The following GSK3B variants were observed in gnomAD, a reference collection of about 807,000 sequenced individuals.
The protein encoded by GSK3B is glycogen synthase kinase-3 beta.
Under a neutral mutation model 56.4 loss-of-function variants are expected in GSK3B, and 15 were observed. That is an observed-to-expected ratio of 0.27 (90% CI 0.18 to 0.41). GSK3B has a LOEUF of 0.41. Among genes scored for constraint, GSK3B ranks in the 10% least tolerant of loss-of-function variants. The probability of loss-of-function intolerance (pLI) is 1.00; values close to 1 mark genes in which losing one functional copy is unlikely to be tolerated. For missense variants in GSK3B, 300 were observed against 513.4 expected (o/e 0.58, Z 4.02); for synonymous variants, 181 against 188.9 (o/e 0.96, Z 0.34).
chr3:120,003,240 C>T (rs1259539419), intron 1 of GSK3B, among the ~76,000 whole-genome samples: 1 of 152,190 alleles, frequency 6.6e-6, no homozygotes, highest in African/African-American at 2.4e-5. Context: ...ACCCCAGTAG[C>T]AATCCAACGG....
At chr3:119,856,052 C>T (rs1220276417) in intron 9 of GSK3B, among the ~76,000 whole-genome samples, 3 of 152,178 alleles carry the variant, frequency 2.0e-5, no homozygotes, top group Admixed American at 6.5e-5. Flanking sequence ...GATTTTGTAT[C>T]TCAATCCTAT....
intron 1 of GSK3B, among the ~76,000 whole-genome samples, chr3:120,018,547 T>C (rs1271948697): frequency 6.6e-6 from 1 of 152,228 alleles, no homozygotes; most frequent in African/African-American, 2.4e-5. Context: ...AAAACTATAC[T>C]ATAGTCTTAT....
chr3:119,879,179 T>A (rs2056350476), intron 7 of GSK3B, among the ~76,000 whole-genome samples: 1 of 152,134 alleles, frequency 6.6e-6, no homozygotes, highest in Non-Finnish European at 1.5e-5. Flanking sequence ...GTCCTTTGTT[T>A]ATTTATATTT....
intron 9 of GSK3B, among the ~76,000 whole-genome samples, chr3:119,861,532 A>T (rs2056102524): frequency 6.6e-6 from 1 of 151,846 alleles, no homozygotes; most frequent in South Asian, 2.1e-4. Flanking sequence ...AAACAAAACA[A>T]ACAAACAAAC....
rs1201893999 is a variant in GSK3B at position 119,822,694 on chromosome 3, A to G, written c.*4094T>C. The G allele has an allele frequency of 1.3e-5, 3 of 228,768 alleles. No homozygotes were observed. Among genetic ancestry groups the G allele is most frequent in the Non-Finnish European group, 2.6e-5 (3 of 115,424 alleles). The allele number at this position is 228,768 out of a possible 1,614,324, so 14.2% of individuals were successfully genotyped here. On this transcript the variant is annotated 3_prime_UTR_variant, in exon 11 of 11. Coordinates refer to ENST00000264235, the MANE Select transcript of GSK3B (RefSeq NM_001146156.2). ...GTGGCTCAGGTTTCTACCAGAAAAG[A>G]CAGATTTTATTGTAAAGCATACCTA... is the stretch of plus-strand genomic sequence containing the variant.
intron 2 of GSK3B, among the ~76,000 whole-genome samples, chr3:119,963,066 C>T (rs2057287587): frequency 6.6e-6 from 1 of 151,762 alleles, no homozygotes; most frequent in South Asian, 2.1e-4. Flanking sequence ...AACAAACTAT[C>T]CAAAAAAAAG....
intron 2 of GSK3B, among the ~76,000 whole-genome samples, chr3:119,988,868 GCAAAC>G (rs2057538973): frequency 6.6e-6 from 1 of 152,052 alleles, no homozygotes; most frequent in Admixed American, 6.6e-5. Context: ...GTATAATAAA[GCAAAC>G]CATTCCTACC....
intron 1 of GSK3B, among the ~76,000 whole-genome samples, chr3:120,011,572 G>GGAC (rs1334239152): frequency 1.3e-5 from 2 of 152,160 alleles, no homozygotes; most frequent in Non-Finnish European, 1.5e-5. Context: ...ATGTAGACAA[G>GGAC]GACCAATTCT....
intron 1 of GSK3B, among the ~76,000 whole-genome samples, chr3:120,018,740 C>T (rs2057848103): frequency 6.6e-6 from 1 of 152,052 alleles, no homozygotes; most frequent in South Asian, 2.1e-4. Context: ...GCAAAAATAC[C>T]TTTAAATATA....
At chr3:120,082,890 T>C (rs987144901) in intron 1 of GSK3B, among the ~76,000 whole-genome samples, 2 of 152,196 alleles carry the variant, frequency 1.3e-5, no homozygotes, top group Non-Finnish European at 2.9e-5. Context: ...AAGTGGTTCA[T>C]AGAAAATTAA....
At chr3:119,910,107 G>A (rs1437682294) in intron 6 of GSK3B, among the ~76,000 whole-genome samples, 1 of 152,078 alleles carries the variant, frequency 6.6e-6, no homozygotes, top group African/African-American at 2.4e-5. Context: ...GTATAATCAT[G>A]CTCAGAAGTA....
intron 1 of GSK3B, among the ~76,000 whole-genome samples, chr3:120,046,633 C>T (rs932662277): frequency 5.3e-5 from 8 of 152,040 alleles, no homozygotes; most frequent in Non-Finnish European, 1.0e-4. Flanking sequence ...TTTGAGACAG[C>T]GTCTCACTCT....
At chr3:119,955,970 C>A (rs1576227538) in intron 2 of GSK3B, among the ~76,000 whole-genome samples, 1 of 151,650 alleles carries the variant, frequency 6.6e-6, no homozygotes, top group Non-Finnish European at 1.5e-5. Flanking sequence ...GTGTTTTACA[C>A]AAGATATTTG....
intron 4 of GSK3B, among the ~76,000 whole-genome samples, chr3:119,919,918 A>C (rs2056822423): frequency 6.6e-6 from 1 of 152,154 alleles, no homozygotes; most frequent in African/African-American, 2.4e-5. Flanking sequence ...AAAAAAGAGA[A>C]AAATGTGTAC....
chr3:119,992,916 AAAGT>A (rs1273153117), intron 2 of GSK3B, among the ~76,000 whole-genome samples: 2 of 152,098 alleles, frequency 1.3e-5, no homozygotes, highest in African/African-American at 4.8e-5. Flanking sequence ...AAAAATTTAA[AAAGT>A]AAGGCAACTT....
chr3:119,966,273 T>C (rs541840626), intron 2 of GSK3B, among the ~76,000 whole-genome samples: 8 of 152,258 alleles, frequency 5.3e-5, no homozygotes, highest in African/African-American at 1.7e-4. Flanking sequence ...TCTTGATAGA[T>C]TATCCCAAGC....
intron 1 of GSK3B, among the ~76,000 whole-genome samples, chr3:120,085,042 T>C (rs763866699): frequency 7.9e-5 from 12 of 152,226 alleles, no homozygotes; most frequent in South Asian, 2.1e-4. Flanking sequence ...GTAATGCCAG[T>C]GGTCTCCAGG....
chr3:119,987,750 A>C (rs971902670), intron 2 of GSK3B, among the ~76,000 whole-genome samples: 1 of 152,224 alleles, frequency 6.6e-6, no homozygotes, highest in Non-Finnish European at 1.5e-5. Context: ...GTTTAACATT[A>C]ATAGCACACT....
chr3:119,919,605 G>A (rs994884130), intron 4 of GSK3B, among the ~76,000 whole-genome samples: 5 of 150,416 alleles, frequency 3.3e-5, no homozygotes, highest in Admixed American at 1.3e-4. Flanking sequence ...ATTTCTCTCT[G>A]TATGCCAACT....
Sources: allele counts gnomAD v4.1 joint callset (sites outside exome capture counted in the v4.1 genomes callset), GRCh38; gene constraint gnomAD v4.1.1; transcripts MANE v1.5; gene names NCBI Gene and HGNC (gene_info 2026-07-23, HGNC 2026-07-21).